TRPC5: variants seen among roughly 807,000 people sequenced by gnomAD.
TRPC5 encodes the protein short transient receptor potential channel 5.
Under a neutral mutation model 56.5 loss-of-function variants are expected in TRPC5, and 9 were observed. The observed-to-expected ratio is 0.16, with a 90% confidence interval of 0.10 to 0.28. The LOEUF is 0.28. Ranked by LOEUF, TRPC5 falls within the 10% of genes least tolerant of loss-of-function variation. The pLI is 1.00. For missense variants in TRPC5, 469 were observed against 748.9 expected, an observed-to-expected ratio of 0.63 and a Z score of 4.36; for synonymous variants, 282 against 278.5, an observed-to-expected ratio of 1.01 and a Z score of -0.13.
chrX:111,976,957 A>G (rs1461421706), intron 1 of TRPC5, among the ~76,000 whole-genome samples: 1 of 111,586 alleles, frequency 9.0e-6, no homozygotes, highest in Non-Finnish European at 1.9e-5. Context: ...AGACGTATGC[A>G]CTGAAAATCA....
chrX:111,954,573 T>C (rs1041654617), intron 1 of TRPC5, among the ~76,000 whole-genome samples: 6 of 111,646 alleles, frequency 5.4e-5, no homozygotes, highest in African/African-American at 2.0e-4. Flanking sequence ...GGATTAGAGG[T>C]GAGCTAACAT....
chrX:111,917,241 A>G (rs1011988667), intron 2 of TRPC5, among the ~76,000 whole-genome samples: 1 of 112,562 alleles, frequency 8.9e-6, no homozygotes, highest in Non-Finnish European at 1.9e-5. Context: ...TGGGAAGAGG[A>G]GCAGATAACC....
At chrX:111,962,990 T>C (rs982098133) in intron 1 of TRPC5, among the ~76,000 whole-genome samples, 2 of 111,413 alleles carry the variant, frequency 1.8e-5, no homozygotes, top group Non-Finnish European at 3.8e-5. Flanking sequence ...GAACAGTGGG[T>C]GCAGCGTACC....
chrX:112,029,797 GAAT>G (rs1325550557), intron 1 of TRPC5, among the ~76,000 whole-genome samples: 1 of 109,010 alleles, frequency 9.2e-6, no homozygotes, highest in Non-Finnish European at 1.9e-5. Flanking sequence ...AAGAAAGGTA[GAAT>G]AATGAGTCGT....
chrX:111,952,488 A>G (rs45526434), intron 1 of TRPC5, 47 bp from the exon 2 acceptor site: 97,280 of 1,129,520 alleles, frequency 0.086, 3,190 homozygotes, highest in Non-Finnish European at 0.099. Flanking sequence ...AGATACGTGG[A>G]GGTCTCAAGT....
chrX:111,965,396 T>A (rs928714740), intron 1 of TRPC5, among the ~76,000 whole-genome samples: 2 of 111,706 alleles, frequency 1.8e-5, no homozygotes, highest in Non-Finnish European at 3.8e-5. Flanking sequence ...CACCCCACTG[T>A]CAACATTAGA....
At position 111,769,890 on chromosome X, in the gene TRPC5, T is replaced by C. The variant is rs1945833873; in HGVS notation, c.*6423A>G. Among the ~76,000 whole-genome samples, 1 of 111,900 alleles carries C rather than the reference T, an allele frequency of 8.9e-6. No homozygotes were observed. The highest frequency in any genetic ancestry group is 1.9e-5 in the Non-Finnish European group (1 of 53,126). ...TTTCTAAATTCCTAAAAATTTAATC[T>C]TATAGGATCATGATTTTCTACCATT... On this transcript the variant is annotated 3_prime_UTR_variant, in exon 11 of 11. Transcript: ENST00000262839.
At chrX:112,074,372 A>G (rs766242734) in intron 1 of TRPC5, among the ~76,000 whole-genome samples, 18 of 109,654 alleles carry the variant, frequency 1.6e-4, no homozygotes, top group Non-Finnish European at 3.2e-4. Flanking sequence ...AACTATCGCA[A>G]GGACAAAAAG....
rs1930988830 is a variant in TRPC5, at chrX:112,082,268, G to T, written c.-411C>A. The T allele has an allele frequency of 9.0e-6, 1 of 111,212 alleles. No homozygotes were observed. 9.2% of individuals were successfully genotyped at this position (111,212 alleles called of 1,213,427 possible). A position where few individuals can be genotyped will look rare whatever the true frequency, so the allele number is the denominator to read the frequency against. On this transcript the variant is annotated 5_prime_UTR_variant, in exon 1 of 11. Transcript: ENST00000262839. ...CTTCAAGCGCACCCACTCCCTTCAC[G>T]CAGCCAGTCACACACAATAAGAGCT... is the stretch of plus-strand genomic sequence containing the variant.
chrX:111,927,314 G>T (rs1257733527), intron 2 of TRPC5, among the ~76,000 whole-genome samples: 1 of 112,170 alleles, frequency 8.9e-6, no homozygotes, highest in African/African-American at 3.2e-5. Context: ...AAAATCACTT[G>T]CATTTTGGAA....
chrX:111,927,105 G>A (rs1926279582), intron 2 of TRPC5, among the ~76,000 whole-genome samples: 1 of 112,315 alleles, frequency 8.9e-6, no homozygotes, highest in African/African-American at 3.2e-5. Context: ...CTCAACCTCA[G>A]CATTCTTGAC....
chrX:112,067,971 C>G (rs1412711568), intron 1 of TRPC5, among the ~76,000 whole-genome samples: 1 of 112,479 alleles, frequency 8.9e-6, no homozygotes. Context: ...TTAGAACTAT[C>G]TGGTAAGGTA....
intron 3 of TRPC5, chrX:111,902,253 A>G: frequency 1.4e-6 from 1 of 715,598 alleles, no homozygotes; most frequent in South Asian, 3.5e-5. Context: ...ATATATTCTT[A>G]TTTTCTGTAT....
intron 3 of TRPC5, among the ~76,000 whole-genome samples, chrX:111,856,840 T>C (rs960918142): frequency 2.6e-4 from 26 of 99,522 alleles, no homozygotes; most frequent in African/African-American, 9.2e-4. Context: ...AAAAAAACCA[T>C]AGGATGAACC....
intron 3 of TRPC5, among the ~76,000 whole-genome samples, chrX:111,881,317 C>A (rs1441367737): frequency 9.1e-6 from 1 of 110,459 alleles, no homozygotes; most frequent in Non-Finnish European, 1.9e-5. Flanking sequence ...GCTGGGACTA[C>A]AGGCACGCGC....
intron 5 of TRPC5, 59 bp downstream of exon 5, chrX:111,852,239 C>T: frequency 8.9e-7 from 1 of 1,129,060 alleles, no homozygotes; most frequent in Non-Finnish European, 1.2e-6. Context: ...GCTCTCAGTG[C>T]AAAAGCTTAA....
intron 1 of TRPC5, among the ~76,000 whole-genome samples, chrX:112,035,919 G>A (rs376323002): frequency 9.2e-6 from 1 of 109,147 alleles, no homozygotes; most frequent in Non-Finnish European, 1.9e-5. Context: ...GTGAGCTATC[G>A]CGCCCGGCCT....
At chrX:111,852,500 T>C in intron 4 of TRPC5, 63 bp from the exon 5 acceptor site, 5 of 1,070,229 alleles carry the variant, frequency 4.7e-6, no homozygotes, top group East Asian at 6.7e-5. Context: ...CATAGAAGGA[T>C]TCCCCCCTCC....
At chrX:111,792,862 T>G (rs1387069932) in intron 7 of TRPC5, among the ~76,000 whole-genome samples, 1 of 111,972 alleles carries the variant, frequency 8.9e-6, no homozygotes. Context: ...TGTTACACAA[T>G]GGAGGCAGGA....
Sources: allele counts gnomAD v4.1 joint callset (sites outside exome capture counted in the v4.1 genomes callset), GRCh38; gene constraint gnomAD v4.1.1; transcripts MANE v1.5; gene names NCBI Gene and HGNC (gene_info 2026-07-23, HGNC 2026-07-21).